Variants in ZNF503 observed in about 807,000 individuals in gnomAD.
The protein encoded by ZNF503 is NocA-like zinc finger 2.
Under a neutral mutation model 34.4 loss-of-function variants are expected in ZNF503, and 15 were observed. The ratio of observed to expected loss-of-function variants is 0.44; its 90% CI spans 0.29 to 0.67. ZNF503 has a LOEUF of 0.67. Among genes scored for constraint, ZNF503 ranks in the 30% least tolerant of loss-of-function variants. ZNF503 has a pLI of 0.13. For missense variants in ZNF503, 1,007 were observed against 926.8 expected (o/e 1.09, Z -1.12); for synonymous variants, 580 against 456.8 (o/e 1.27, Z -3.44).
chr10:75,325,862 C>CT, the ZNF503 span, among the ~76,000 whole-genome samples: 1,423 of 146,030 alleles, frequency 9.7e-3, 10 homozygotes, highest in Non-Finnish European at 0.016. Context: ...AATGGTATTG[C>CT]TTTTTTTTTT....
chr10:75,395,583 G>C (rs1843687755), downstream of ZNF503, among the ~76,000 whole-genome samples: 1 of 152,104 alleles, frequency 6.6e-6, no homozygotes, highest in Non-Finnish European at 1.5e-5. This position sits in a 1 kb window ranked among gnomAD's most constrained non-coding sequence, Gnocchi z 4.4. Context: ...GGAGAGAGTC[G>C]GGGGGCGCGC....
the ZNF503 span, among the ~76,000 whole-genome samples, chr10:75,333,596 C>A: frequency 1.1e-4 from 10 of 89,052 alleles, no homozygotes; most frequent in Non-Finnish European, 2.2e-4. Context: ...CTGACCCCCC[C>A]ACCTTCCTCC....
At chr10:75,342,652 C>T in the ZNF503 span, among the ~76,000 whole-genome samples, 2 of 146,778 alleles carry the variant, frequency 1.4e-5, no homozygotes, top group African/African-American at 5.1e-5. Context: ...CAAAGCAGTG[C>T]CTCCCGGTGG....
At chr10:75,294,855 G>T in the ZNF503 span, among the ~76,000 whole-genome samples, 1 of 152,102 alleles carries the variant, frequency 6.6e-6, no homozygotes, top group African/African-American at 2.4e-5. Flanking sequence ...TTCTATCTGC[G>T]CGATGATTGA....
the ZNF503 span, among the ~76,000 whole-genome samples, chr10:75,318,106 G>A: frequency 6.6e-6 from 1 of 152,160 alleles, no homozygotes; most frequent in Non-Finnish European, 1.5e-5. Flanking sequence ...AACTATGTGA[G>A]GTGATAGATA....
the ZNF503 span, among the ~76,000 whole-genome samples, chr10:75,366,466 G>A: frequency 6.6e-6 from 1 of 152,214 alleles, no homozygotes; most frequent in Non-Finnish European, 1.5e-5. Flanking sequence ...CCAAAAGGTA[G>A]GCGACCTGAC....
the ZNF503 span, among the ~76,000 whole-genome samples, chr10:75,297,449 TC>T: frequency 1.3e-5 from 2 of 152,316 alleles, no homozygotes; most frequent in Non-Finnish European, 2.9e-5. Flanking sequence ...ATATACAAAA[TC>T]CCCTGCCCTT....
downstream of ZNF503, among the ~76,000 whole-genome samples, chr10:75,395,172 C>A (rs1415852661): frequency 6.6e-6 from 1 of 152,150 alleles, no homozygotes; most frequent in East Asian, 1.9e-4. This position sits in a 1 kb window ranked among gnomAD's most constrained non-coding sequence, Gnocchi z 4.4. Context: ...GCATGGCAGA[C>A]AAGGTGACGT....
the ZNF503 span, among the ~76,000 whole-genome samples, chr10:75,349,500 T>C: frequency 1.3e-5 from 2 of 152,238 alleles, no homozygotes; most frequent in South Asian, 4.1e-4. Context: ...TGCAACTTAT[T>C]GAGTGTCCGT....
the ZNF503 span, among the ~76,000 whole-genome samples, chr10:75,362,475 C>T: frequency 6.6e-6 from 1 of 152,028 alleles, no homozygotes. Context: ...CAGAGCAGGG[C>T]CACCCACTCA....
chr10:75,374,225 C>T, the ZNF503 span, among the ~76,000 whole-genome samples: 1 of 152,252 alleles, frequency 6.6e-6, no homozygotes, highest in African/African-American at 2.4e-5. Flanking sequence ...TCGCTTGAAC[C>T]TGGGAGATGG....
Position 75,401,273 on chromosome 10 carries a change from CG to C in ZNF503, c.146del (p.Pro49ArgfsTer29). ...GCACAAAAGGCTTGGTGCTGCCGGC[CG>C]GGGACGAGCCTGGGCCGGGGCCGGA... ...NSSGPGPGSS[P>X]AGSTKPFVHA... is the part of the protein sequence containing the mutation. On this transcript the variant is annotated frameshift_variant, in exon 1 of 2. Transcript: ENST00000372524. LOFTEE classifies it high-confidence loss of function. The C allele has an allele frequency of 6.3e-7, 1 of 1,589,022 alleles. No homozygotes were observed. Among genetic ancestry groups the C allele is most frequent in the Non-Finnish European group, 8.6e-7 (1 of 1,169,420 alleles).
At chr10:75,292,863 C>A in the ZNF503 span, among the ~76,000 whole-genome samples, 1 of 152,216 alleles carries the variant, frequency 6.6e-6, no homozygotes, top group African/African-American at 2.4e-5. Context: ...CCTCCTCGTT[C>A]TTCTGTTTCC....
chr10:75,289,988 A>G, the ZNF503 span, among the ~76,000 whole-genome samples: 1 of 152,172 alleles, frequency 6.6e-6, no homozygotes, highest in East Asian at 1.9e-4. Flanking sequence ...TACCCACTAA[A>G]CAATAATTCC....
chr10:75,355,346 C>T, the ZNF503 span, among the ~76,000 whole-genome samples: 1 of 152,106 alleles, frequency 6.6e-6, no homozygotes, highest in African/African-American at 2.4e-5. Flanking sequence ...AATGGGTAAT[C>T]GAAAGACCTT....
the ZNF503 span, among the ~76,000 whole-genome samples, chr10:75,320,304 A>G: frequency 6.6e-6 from 1 of 151,920 alleles, no homozygotes; most frequent in Non-Finnish European, 1.5e-5. Context: ...CAATATGGTG[A>G]AACCCCGTCT....
At chr10:75,376,649 A>C in the ZNF503 span, among the ~76,000 whole-genome samples, 5 of 152,184 alleles carry the variant, frequency 3.3e-5, no homozygotes, top group East Asian at 9.7e-4. Flanking sequence ...CTCAAAAAAA[A>C]ACAAAAACAA....
chr10:75,350,924 G>A, the ZNF503 span, among the ~76,000 whole-genome samples: 6 of 152,006 alleles, frequency 3.9e-5, no homozygotes, highest in African/African-American at 1.5e-4. Flanking sequence ...GTATGTCTTG[G>A]AGATTTAGCC....
chr10:75,351,639 A>G, the ZNF503 span, among the ~76,000 whole-genome samples: 2 of 152,120 alleles, frequency 1.3e-5, no homozygotes, highest in African/African-American at 4.8e-5. Context: ...GCCTCTCCAA[A>G]TCTTTCCTGC....
Sources: gnomAD v4.1 joint callset for allele counts (sites outside exome capture counted in the v4.1 genomes callset) on GRCh38, gnomAD v4.1.1 for gene constraint, Gnocchi (gnomAD v3.1) non-coding constraint, MANE v1.5 for transcripts, NCBI Gene and HGNC (gene_info 2026-07-23, HGNC 2026-07-21) for gene names.